WDR49: variants seen among roughly 807,000 people sequenced by gnomAD.
WDR49 encodes WD repeat domain 49.
A neutral mutation model predicts 119.5 loss-of-function variants in WDR49; 107 were observed. The observed-to-expected ratio is 0.90, with a 90% confidence interval of 0.77 to 1.05. The LOEUF (loss-of-function observed/expected upper bound fraction) is 1.05, where lower values mean the gene tolerates loss of function less well. Among genes scored for constraint, WDR49 ranks in the 50% least tolerant of loss-of-function variants. WDR49 has a pLI of 0.00. For synonymous variants in WDR49, 425 were observed against 418.8 expected (o/e 1.01, Z -0.18); for missense variants, 1,240 against 1,220.5 (o/e 1.02, Z -0.24).
chr3:167,512,687 C>T (rs995107982), intron 16 of WDR49, among the ~76,000 whole-genome samples: 6 of 152,166 alleles, frequency 3.9e-5, no homozygotes, highest in Admixed American at 6.5e-5. Context: ...TGTTCTAACA[C>T]AATGCAAAGA....
chr3:167,522,176 T>C (rs1223873965), intron 16 of WDR49, 139 bp downstream of exon 16: 4 of 783,470 alleles, frequency 5.1e-6, no homozygotes, highest in African/African-American at 3.6e-5. Flanking sequence ...CATACGCACC[T>C]ACCAATCCCC....
intron 2 of WDR49, among the ~76,000 whole-genome samples, chr3:167,651,684 T>C (rs1481774346): frequency 6.6e-6 from 1 of 152,122 alleles, no homozygotes; most frequent in Non-Finnish European, 1.5e-5. Flanking sequence ...TACCTTCTCT[T>C]CTCCTCTTTG....
intron 8 of WDR49, among the ~76,000 whole-genome samples, chr3:167,567,609 C>A (rs1713683075): frequency 6.6e-6 from 1 of 152,134 alleles, no homozygotes; most frequent in Admixed American, 6.5e-5. Context: ...TACTCTGATT[C>A]TTTTCCATAG....
At chr3:167,524,856 T>G (rs527848898) in intron 15 of WDR49, among the ~76,000 whole-genome samples, 1 of 152,198 alleles carries the variant, frequency 6.6e-6, no homozygotes, top group African/African-American at 2.4e-5. Context: ...TCCAGCTTTG[T>G]TCTTTTTGCT....
At chr3:167,496,272 C>A (rs1450949554) in intron 18 of WDR49, among the ~76,000 whole-genome samples, 1 of 152,078 alleles carries the variant, frequency 6.6e-6, no homozygotes, top group African/African-American at 2.4e-5. Context: ...TAAATAAATG[C>A]CGAGTCCTTA....
chr3:167,579,071 C>T (rs1035426947), intron 7 of WDR49, among the ~76,000 whole-genome samples: 4 of 151,996 alleles, frequency 2.6e-5, no homozygotes, highest in South Asian at 4.1e-4. Context: ...TCTCTCCTAC[C>T]GTCATGTGAA....
In WDR49 at chr3:167,587,849, T is replaced by G. The variant is rs145327936; in HGVS notation, c.1276-11698A>C. Among the ~76,000 whole-genome samples the G allele has an allele frequency of 5.9e-5, 9 of 152,270 alleles. No individual in the cohort carries two copies. The East Asian group carries it at 1.7e-3, about 29-fold the overall frequency. Reference sequence around the variant, plus strand: ...GTACAGAGTAGGTGTATATATTTATTGATTACATGAGATATTCTGATACAG... The same window carrying G: ...GTACAGAGTAGGTGTATATATTTATGGATTACATGAGATATTCTGATACAG... On this transcript the variant is annotated intron_variant, in intron 7 of 18. Transcript: ENST00000682715.
intron 18 of WDR49, among the ~76,000 whole-genome samples, chr3:167,495,866 G>A (rs1751332163): frequency 1.3e-5 from 1 of 77,668 alleles, no homozygotes; most frequent in South Asian, 5.3e-4. Flanking sequence ...AGGGAAATAA[G>A]TTAACTTTAA....
At chr3:167,560,556 T>A (rs1445813688) in intron 8 of WDR49, among the ~76,000 whole-genome samples, 2 of 152,168 alleles carry the variant, frequency 1.3e-5, no homozygotes, top group Non-Finnish European at 2.9e-5. Context: ...GAAAGCTGAT[T>A]TTACTAGTCA....
intron 15 of WDR49, among the ~76,000 whole-genome samples, chr3:167,523,453 A>G (rs142860344): frequency 2.9e-4 from 44 of 151,598 alleles, no homozygotes; most frequent in African/African-American, 9.2e-4. Flanking sequence ...ATAGGTATAC[A>G]TGTGCCATGG....
chr3:167,561,849 A>G lies in WDR49; in HGVS notation c.1510-1621T>C, dbSNP rs142734556. Among the ~76,000 whole-genome samples, 756 of 150,280 alleles carry G rather than the reference A, an allele frequency of 5.0e-3. 8 individuals are homozygous for G. Among genetic ancestry groups the G allele is most frequent in the African/African-American group, 0.018 (731 of 41,434 alleles). On this transcript the variant is annotated intron_variant, in intron 8 of 18. Transcript: ENST00000682715. ...ACTTACAGGTTTGAATCCTTGACAT[A>G]GACAGCCACATCATAAGGTCTTCCT...
At chr3:167,592,474 C>T (rs1217609608) in intron 7 of WDR49, among the ~76,000 whole-genome samples, 5 of 143,712 alleles carry the variant, frequency 3.5e-5, no homozygotes, top group South Asian at 2.2e-4. Context: ...CTCACTCTGT[C>T]GCCAAGCTGG....
chr3:167,538,487 AT>A (rs1711593430), intron 10 of WDR49, among the ~76,000 whole-genome samples: 1 of 152,072 alleles, frequency 6.6e-6, no homozygotes, highest in Non-Finnish European at 1.5e-5. Context: ...TAACTACCTC[AT>A]GGTTGACTTA....
At chr3:167,505,015 T>C (rs1751712315) in intron 17 of WDR49, among the ~76,000 whole-genome samples, 1 of 152,236 alleles carries the variant, frequency 6.6e-6, no homozygotes, top group African/African-American at 2.4e-5. Context: ...TTAAACCTTT[T>C]TCTTTTTAAA....
At chr3:167,647,947 G>A (rs1022187897) in intron 2 of WDR49, among the ~76,000 whole-genome samples, 2 of 152,168 alleles carry the variant, frequency 1.3e-5, no homozygotes, top group African/African-American at 4.8e-5. Flanking sequence ...AGAGCACAGG[G>A]CCTGTGCACT....
At chr3:167,629,492 A>G (rs1717273400) in intron 2 of WDR49, among the ~76,000 whole-genome samples, 3 of 152,108 alleles carry the variant, frequency 2.0e-5, no homozygotes, top group Admixed American at 6.6e-5. Context: ...CTGCTAACAC[A>G]GTGTACATAC....
chr3:167,575,364 C>A, intron 8 of WDR49: 1 of 896,972 alleles, frequency 1.1e-6, no homozygotes, highest in Non-Finnish European at 1.3e-6. Context: ...TCCCCTAAGC[C>A]AAGGCTGCGG....
In WDR49 at chr3:167,531,218, G is replaced by C; in HGVS notation, c.2115C>G (p.Asp705Glu). ...GRSQPSHPMA[D>E]HSTTGVRNFE... is the part of the protein sequence containing the mutation. ...AGTTGCGGACTCCCGTGGTAGAATG[G>C]TCTGCCATGGGGTGGGAGGGTTGGC... The change falls in exon 13 of 19, where the codon GAC becomes GAG. Residue 705 changes from aspartate (D) to glutamate (E), a missense_variant. Asp to Glu is a conservative substitution (Grantham distance 45). Coordinates refer to ENST00000682715, the MANE Select transcript of WDR49 (RefSeq NM_001366157.1). 6.2e-7 allele frequency: 1 copy of C among 1,611,642 alleles called. No homozygotes were observed. The highest frequency in any genetic ancestry group is 8.5e-7 in the Non-Finnish European group (1 of 1,179,576).
chr3:167,610,687 T>A (rs1265193446), intron 5 of WDR49, among the ~76,000 whole-genome samples: 1 of 151,994 alleles, frequency 6.6e-6, no homozygotes, highest in African/African-American at 2.4e-5. Context: ...GGGCCTTGAG[T>A]GAACATAGGC....
Sources: allele counts gnomAD v4.1 joint callset (sites outside exome capture counted in the v4.1 genomes callset), GRCh38; gene constraint gnomAD v4.1.1; transcripts MANE v1.5; gene names NCBI Gene and HGNC (gene_info 2026-07-23, HGNC 2026-07-21).